PIAS1: variants seen among roughly 807,000 people sequenced by gnomAD.
PIAS1 encodes the protein protein inhibitor of activated STAT 1.
In PIAS1, 6 loss-of-function variants were observed where a neutral mutation model predicts 71.3. That is an observed-to-expected ratio of 0.08 (90% CI 0.05 to 0.17). The LOEUF (loss-of-function observed/expected upper bound fraction) is 0.17, where lower values mean the gene tolerates loss of function less well. Among genes scored for constraint, PIAS1 ranks in the 10% least tolerant of loss-of-function variants. PIAS1 has a pLI of 1.00. For missense variants in PIAS1, 555 were observed against 793.6 expected (o/e 0.70, Z 3.61); for synonymous variants, 303 against 292.9 (o/e 1.03, Z -0.35).
chr15:68,183,507 T>C, intron 12 of PIAS1, 123 bp from the exon 13 acceptor site: 2 of 588,958 alleles, frequency 3.4e-6, no homozygotes, highest in Non-Finnish European at 6.3e-6. Flanking sequence ...CAACTCTTCA[T>C]GTTTAAATAA....
Position 68,187,763 on chromosome 15 carries a change from C to G in PIAS1, c.1884C>G (p.Thr628=), listed in dbSNP as rs781413591. The G allele has an allele frequency of 2.5e-6, 4 of 1,613,798 alleles. No individual in the cohort carries two copies. In the African/African-American group the frequency reaches 4.0e-5, roughly 16 times the overall value. The part of the protein sequence containing the change: ...SNSLRESHSH[T]VTNRSSTDTA... The stretch of plus-strand genomic sequence containing the variant: ...GCCTAAGGGAAAGCCATAGCCACAC[C>G]GTCACAAACAGGAGCAGCACGGACA... Residue 628 remains threonine, a synonymous_variant, in exon 14 of 14, where the codon ACC becomes ACG. Transcript: ENST00000249636. The surrounding 1 kb of genome is among the most constrained non-coding windows in gnomAD (Gnocchi z 5.3).
At chr15:68,120,112 CA>C (rs2092601360) in intron 2 of PIAS1, among the ~76,000 whole-genome samples, 1 of 152,144 alleles carries the variant, frequency 6.6e-6, no homozygotes, top group Non-Finnish European at 1.5e-5. Flanking sequence ...CCAGGTCATC[CA>C]GCTTTGTTTT....
At chr15:68,181,458 A>G (rs2093052820) in intron 12 of PIAS1, 104 bp downstream of exon 12, 4 of 1,129,308 alleles carry the variant, frequency 3.5e-6, no homozygotes, top group East Asian at 2.5e-5. Flanking sequence ...AGACTGAGCC[A>G]ACAGGGCCTT....
At chr15:68,112,133 C>T (rs535592138) in intron 2 of PIAS1, among the ~76,000 whole-genome samples, 4 of 151,980 alleles carry the variant, frequency 2.6e-5, no homozygotes, top group Non-Finnish European at 5.9e-5. Flanking sequence ...GTCCGTTTAC[C>T]GTATATGTTT....
chr15:68,183,929 C>T (rs1415595848), intron 13 of PIAS1: 4 of 243,194 alleles, frequency 1.6e-5, no homozygotes, highest in Non-Finnish European at 3.1e-5. Context: ...TACAATATAA[C>T]GATAATAAAC....
intron 1 of PIAS1, among the ~76,000 whole-genome samples, chr15:68,057,801 TA>T (rs2091912531): frequency 6.6e-6 from 1 of 152,250 alleles, no homozygotes; most frequent in Admixed American, 6.5e-5. Flanking sequence ...AACAGTATTT[TA>T]AAAACTCTAC....
At chr15:68,175,518 CAT>C in intron 9 of PIAS1, 117 bp from the exon 10 acceptor site, 1 of 376,986 alleles carries the variant, frequency 2.7e-6, no homozygotes, top group Non-Finnish European at 4.5e-6. Context: ...ATAAATGTGA[CAT>C]AAATTAGGCA....
At chr15:68,123,844 C>T (rs1240865678) in intron 2 of PIAS1, among the ~76,000 whole-genome samples, 2 of 152,100 alleles carry the variant, frequency 1.3e-5, no homozygotes, top group African/African-American at 4.8e-5. Context: ...TTCACTACTG[C>T]TATGCTTCAT....
rs558598837 is a variant in PIAS1 at position 68,182,755 on chromosome 15, A to G, written c.1625-875A>G. On this transcript the variant is annotated intron_variant, in intron 12 of 13. Transcript: ENST00000249636. ...GCTCTTAACGGTTAGATATCTTTCT[A>G]TACCTTTTTTTCTACATGTATGAAA... Among the ~76,000 whole-genome samples the G allele has an allele frequency of 2.6e-5, 4 of 152,246 alleles. No individual in the cohort carries two copies. The South Asian group carries it at 6.2e-4, about 24-fold the overall frequency.
chr15:68,055,892 A>T, intron 1 of PIAS1: 1 of 701,106 alleles, frequency 1.4e-6, no homozygotes, highest in Non-Finnish European at 2.6e-6. Context: ...CAATGTTTAC[A>T]CTCCAAGATT....
rs562343509 is a variant in PIAS1, at chr15:68,073,509, G to A, written c.25-12797G>A. On this transcript the variant is annotated intron_variant, in intron 1 of 13. Transcript: ENST00000249636. ...ATATGGCATAAGAGCGGTAAACTGAGTTAAACAGGAGAGCACATAAAAGCG... is the reference window on the plus strand; with the variant it reads ...ATATGGCATAAGAGCGGTAAACTGAATTAAACAGGAGAGCACATAAAAGCG... Among the ~76,000 whole-genome samples the A allele has an allele frequency of 2.0e-5, 3 of 152,178 alleles. No homozygotes were observed. The South Asian group carries it at 6.2e-4, about 31-fold the overall frequency.
At chr15:68,161,221 C>T (rs1035659581) in intron 7 of PIAS1, among the ~76,000 whole-genome samples, 2 of 152,054 alleles carry the variant, frequency 1.3e-5, no homozygotes, top group African/African-American at 4.8e-5. Context: ...ATATGAAACA[C>T]GTGGGGATAC....
At chr15:68,151,920 T>C (rs2092848925) in intron 6 of PIAS1, among the ~76,000 whole-genome samples, 1 of 149,142 alleles carries the variant, frequency 6.7e-6, no homozygotes, top group Non-Finnish European at 1.5e-5. Flanking sequence ...TAGTATGTTG[T>C]ATGCTCTAAA....
chr15:68,141,953 C>T lies in PIAS1; in HGVS notation c.477C>T (p.Asp159=), dbSNP rs1308624111. The change falls in exon 3 of 14, where the codon GAC becomes GAT. Residue 159 remains aspartate, a synonymous_variant. Transcript: ENST00000249636. ...ELIKPTSLAS[D]NSQRFRETCF... is the part of the protein sequence containing the mutation. ...AATTCTTGTCTTCTTTAGCATCAGA[C>T]AACAGTCAGCGCTTTCGAGAAACCT... 2.5e-6 allele frequency: 4 copies of T among 1,598,464 alleles called. No individual in the cohort carries two copies. In the South Asian group the frequency reaches 4.5e-5, roughly 18 times the overall value.
Position 68,054,429 on chromosome 15 carries a change from C to G in PIAS1, c.24+79C>G, listed in dbSNP as rs2091871775. 6.9e-7 allele frequency: 1 copy of G among 1,447,690 alleles called. No individual in the cohort carries two copies. The highest frequency in any genetic ancestry group is 2.0e-5 in the Admixed American group (1 of 50,318). The allele number at this position is 1,447,690 out of a possible 1,614,324, so 89.7% of individuals were successfully genotyped here. ...TGCTGCCAGGGGGGATGGGTCCGAC[C>G]CTGGGGGGCCTCTCGGGCCTGACTC... On this transcript the variant is annotated intron_variant, in intron 1 of 13. Transcript: ENST00000249636. This position sits in a 1 kb window ranked among gnomAD's most constrained non-coding sequence, Gnocchi z 4.6.
chr15:68,166,729 T>C (rs1474972265), intron 8 of PIAS1, among the ~76,000 whole-genome samples: 4 of 152,238 alleles, frequency 2.6e-5, no homozygotes, highest in Non-Finnish European at 2.9e-5. Flanking sequence ...TATAAATCTT[T>C]GAAGTTTTAT....
chr15:68,120,474 T>C (rs931672899), intron 2 of PIAS1, among the ~76,000 whole-genome samples: 1 of 152,210 alleles, frequency 6.6e-6, no homozygotes, highest in Non-Finnish European at 1.5e-5. Context: ...CTTTGTTGGC[T>C]TATTAACTAT....
chr15:68,072,530 A>G (rs1243946644), intron 1 of PIAS1, among the ~76,000 whole-genome samples: 1 of 152,116 alleles, frequency 6.6e-6, no homozygotes, highest in Admixed American at 6.6e-5. Flanking sequence ...AAAGGGACAG[A>G]ATTCTGTAAG....
chr15:68,060,764 A>G lies in PIAS1; in HGVS notation c.24+6414A>G, dbSNP rs535609993. On this transcript the variant is annotated intron_variant, in intron 1 of 13. Coordinates refer to ENST00000249636, the MANE Select transcript of PIAS1 (RefSeq NM_016166.3). ...GGTAACATAGTTTCAAGGATCCACA[A>G]TCTCTGCCTCCGGGGTTCAGGCAAT... is the stretch of plus-strand genomic sequence containing the variant. Among the ~76,000 whole-genome samples, 5 of 149,774 alleles carry G rather than the reference A, an allele frequency of 3.3e-5. No individual in the cohort carries two copies. The South Asian group carries it at 6.4e-4, about 19-fold the overall frequency.
Sources: allele counts gnomAD v4.1 joint callset (sites outside exome capture counted in the v4.1 genomes callset), GRCh38; gene constraint gnomAD v4.1.1; non-coding constraint Gnocchi (gnomAD v3.1); transcripts MANE v1.5; gene names NCBI Gene and HGNC (gene_info 2026-07-23, HGNC 2026-07-21).